SPAG16: variants seen among roughly 807,000 people sequenced by gnomAD.
SPAG16 encodes sperm-associated antigen 16 protein.
A neutral mutation model predicts 80.4 loss-of-function variants in SPAG16; 86 were observed. The observed-to-expected ratio is 1.07, with a 90% CI of 0.90 to 1.28. SPAG16 has a LOEUF of 1.28. SPAG16 is among the 50% of genes most tolerant of loss of function. SPAG16 has a pLI of 0.00. For synonymous variants in SPAG16, 294 were observed against 265.9 expected, an observed-to-expected ratio of 1.11 and a Z score of -1.03; for missense variants, 870 against 765.3, an observed-to-expected ratio of 1.14 and a Z score of -1.61.
chr2:213,448,212 A>G (rs569679274), intron 9 of SPAG16, among the ~76,000 whole-genome samples: 21 of 152,376 alleles, frequency 1.4e-4, no homozygotes, highest in Admixed American at 5.9e-4. Flanking sequence ...ATGCAGTGCA[A>G]TTGGAATACT....
intron 13 of SPAG16, among the ~76,000 whole-genome samples, chr2:214,095,484 A>T (rs1372770704): frequency 1.3e-5 from 2 of 152,150 alleles, no homozygotes; most frequent in Non-Finnish European, 2.9e-5. Flanking sequence ...ATATGCTATT[A>T]ACTCTAGTAG....
intron 9 of SPAG16, among the ~76,000 whole-genome samples, chr2:213,386,633 A>T (rs2067444339): frequency 6.6e-6 from 1 of 152,142 alleles, no homozygotes; most frequent in South Asian, 2.1e-4. Context: ...GATAATTCTT[A>T]TATATCTTTT....
intron 15 of SPAG16, among the ~76,000 whole-genome samples, chr2:214,151,287 T>G (rs2055961576): frequency 6.6e-6 from 1 of 151,912 alleles, no homozygotes; most frequent in South Asian, 2.1e-4. Flanking sequence ...TAAAATCTAA[T>G]GAGAGAATGA....
chr2:213,462,396 C>T, intron 9 of SPAG16, among the ~76,000 whole-genome samples: 1 of 152,192 alleles, frequency 6.6e-6, no homozygotes, highest in East Asian at 1.9e-4. Flanking sequence ...CATTGTAAGC[C>T]TTTTTGAGGT....
chr2:214,198,575 C>T (rs1459179894), intron 15 of SPAG16, among the ~76,000 whole-genome samples: 3 of 152,032 alleles, frequency 2.0e-5, no homozygotes, highest in Non-Finnish European at 4.4e-5. Context: ...GTCCACGTAT[C>T]TTTTTCATAT....
chr2:213,499,713 C>T (rs62192347), intron 10 of SPAG16, among the ~76,000 whole-genome samples: 28 of 152,116 alleles, frequency 1.8e-4, no homozygotes, highest in Non-Finnish European at 3.7e-4. Flanking sequence ...ACACTACTCT[C>T]GTAATAATTA....
Position 213,500,532 on chromosome 2 carries a change from T to C in SPAG16, c.1070+10442T>C, listed in dbSNP as rs541354060. ...ACGCATTCAATGGTTGTATACTCAATTCCTACCTTGTGTTCTAAACATTAG... is the reference window on the plus strand; with the variant it reads ...ACGCATTCAATGGTTGTATACTCAACTCCTACCTTGTGTTCTAAACATTAG... On this transcript the variant is annotated intron_variant, in intron 10 of 15. Transcript: ENST00000331683. Among the ~76,000 whole-genome samples the C allele has an allele frequency of 2.0e-5, 3 of 152,340 alleles. No homozygotes were observed. The South Asian group carries it at 6.2e-4, about 32-fold the overall frequency.
intron 13 of SPAG16, among the ~76,000 whole-genome samples, chr2:214,019,496 A>G (rs568616038): frequency 6.6e-6 from 1 of 152,278 alleles, no homozygotes; most frequent in South Asian, 2.1e-4. Context: ...GCACTTGTCC[A>G]GCTTACAGCA....
intron 9 of SPAG16, among the ~76,000 whole-genome samples, chr2:213,416,845 AT>A (rs2069286731): frequency 2.0e-5 from 3 of 152,336 alleles, no homozygotes; most frequent in Admixed American, 2.0e-4. Context: ...AAAAACACCA[AT>A]GTGGTCAGGA....
At chr2:213,682,458 TGGCTCAACAGTCAAA>T (rs991204843) in intron 10 of SPAG16, among the ~76,000 whole-genome samples, 3 of 152,200 alleles carry the variant, frequency 2.0e-5, no homozygotes, top group African/African-American at 7.2e-5. Flanking sequence ...ACACAAAAAG[TGGCTCAACAGTCAAA>T]GACAGGTTTA....
At chr2:214,173,036 A>G (rs1179059367) in intron 15 of SPAG16, among the ~76,000 whole-genome samples, 1 of 150,636 alleles carries the variant, frequency 6.6e-6, no homozygotes, top group East Asian at 2.0e-4. Context: ...ATTTTCTCCC[A>G]TTTTGTAGGT....
At position 214,325,317 on chromosome 2, in the gene SPAG16, G is replaced by A. The variant is rs565840362; in HGVS notation, c.1721-84823G>A. Among the ~76,000 whole-genome samples, 38 of 152,306 alleles carry A rather than the reference G, an allele frequency of 2.5e-4. 1 individual carries two copies. In the South Asian group the frequency reaches 3.7e-3, roughly 15 times the overall value. ...TCCTTATTTAACAAGCTACCAGATG[G>A]CACTGAGGATGCTCATCTGTGGACC... On this transcript the variant is annotated intron_variant, in intron 15 of 15. Coordinates refer to ENST00000331683, the MANE Select transcript of SPAG16 (RefSeq NM_024532.5).
At chr2:213,866,298 C>G (rs2075679419) in intron 11 of SPAG16, among the ~76,000 whole-genome samples, 1 of 151,768 alleles carries the variant, frequency 6.6e-6, no homozygotes, top group African/African-American at 2.4e-5. Context: ...TAACAGAGAC[C>G]CATTTCACTA....
intron 10 of SPAG16, among the ~76,000 whole-genome samples, chr2:213,642,917 C>G (rs549746622): frequency 6.7e-6 from 1 of 150,116 alleles, no homozygotes; most frequent in Admixed American, 6.7e-5. Context: ...CCTCAAACAT[C>G]GAACTCCACG....
chr2:213,410,787 C>G (rs575065206), intron 9 of SPAG16, among the ~76,000 whole-genome samples: 1 of 152,306 alleles, frequency 6.6e-6, no homozygotes, highest in African/African-American at 2.4e-5. Context: ...TAAGGTGGTC[C>G]TCCAGTCGAC....
At chr2:213,667,274 C>A (rs569055951) in intron 10 of SPAG16, among the ~76,000 whole-genome samples, 3 of 152,172 alleles carry the variant, frequency 2.0e-5, no homozygotes, top group African/African-American at 7.2e-5. Context: ...TAAAATAGAT[C>A]ACTAGGAAAT....
intron 15 of SPAG16, among the ~76,000 whole-genome samples, chr2:214,381,987 G>A (rs939734184): frequency 1.3e-5 from 2 of 152,128 alleles, no homozygotes; most frequent in African/African-American, 4.8e-5. Context: ...TGTTCCTTGG[G>A]CAAAAGGTTA....
At chr2:213,379,692 G>A (rs947277651) in intron 9 of SPAG16, among the ~76,000 whole-genome samples, 2 of 152,202 alleles carry the variant, frequency 1.3e-5, no homozygotes, top group African/African-American at 4.8e-5. Context: ...CTGCCATCAG[G>A]TAGCTGGCTG....
intron 12 of SPAG16, among the ~76,000 whole-genome samples, chr2:213,984,916 C>A (rs181963544): frequency 1.1e-3 from 160 of 152,264 alleles, no homozygotes; most frequent in Admixed American, 1.6e-3. Flanking sequence ...TCATTCAAAT[C>A]TCTCTTTATG....
Sources: gnomAD v4.1 joint callset for allele counts (sites outside exome capture counted in the v4.1 genomes callset) on GRCh38, gnomAD v4.1.1 for gene constraint, MANE v1.5 for transcripts, NCBI Gene and HGNC (gene_info 2026-07-23, HGNC 2026-07-21) for gene names.